The following FGD5 variants were observed in gnomAD, a reference collection of about 807,000 sequenced individuals.
The protein encoded by FGD5 is FYVE, RhoGEF and PH domain-containing protein 5.
In FGD5, 28 loss-of-function variants were observed where a neutral mutation model predicts 133.4. The ratio of observed to expected loss-of-function variants is 0.21; its 90% CI spans 0.16 to 0.29. The LOEUF is 0.29. FGD5 is among the 10% of genes least tolerant of loss of function. FGD5 has a pLI of 1.00. For missense variants in FGD5, 1,858 were observed against 1,895.2 expected (o/e 0.98, Z 0.36); for synonymous variants, 810 against 776.5 (o/e 1.04, Z -0.72).
At chr3:14,837,525 G>A (rs2036839908) in intron 1 of FGD5, among the ~76,000 whole-genome samples, 2 of 152,132 alleles carry the variant, frequency 1.3e-5, no homozygotes, top group South Asian at 4.1e-4. Flanking sequence ...TAGGTTTTGC[G>A]GCTTTTCAGA....
At chr3:14,831,086 G>A (rs2036698264) in intron 1 of FGD5, among the ~76,000 whole-genome samples, 1 of 152,168 alleles carries the variant, frequency 6.6e-6, no homozygotes, top group Admixed American at 6.5e-5. Flanking sequence ...GACATCCCAA[G>A]GGGAAGGGCA....
At chr3:14,925,330 A>G (rs2038779570) in intron 17 of FGD5, among the ~76,000 whole-genome samples, 1 of 152,198 alleles carries the variant, frequency 6.6e-6, no homozygotes, top group Non-Finnish European at 1.5e-5. Flanking sequence ...AACATATTAT[A>G]CAGAATCTCT....
intron 1 of FGD5, among the ~76,000 whole-genome samples, chr3:14,821,980 A>T (rs2036513421): frequency 6.6e-6 from 1 of 152,094 alleles, no homozygotes; most frequent in Non-Finnish European, 1.5e-5. Flanking sequence ...TGCACCTGTA[A>T]TCCCAGCTGC....
At chr3:14,894,959 G>A (rs901805091) in intron 4 of FGD5, among the ~76,000 whole-genome samples, 3 of 152,058 alleles carry the variant, frequency 2.0e-5, no homozygotes, top group Non-Finnish European at 4.4e-5. Flanking sequence ...TGATGATTAT[G>A]ATGTTGAGCT....
chr3:14,932,983 A>G, intron 19 of FGD5, 148 bp from the exon 20 acceptor site: 1 of 1,067,656 alleles, frequency 9.4e-7, no homozygotes, highest in Non-Finnish European at 1.4e-6. Flanking sequence ...CTGAATATAG[A>G]AAACATGTTT....
At chr3:14,889,865 T>TA (rs1559494755) in intron 4 of FGD5, among the ~76,000 whole-genome samples, 77 of 152,204 alleles carry the variant, frequency 5.1e-4, no homozygotes, top group African/African-American at 1.4e-3. Flanking sequence ...TGCTTTTTTT[T>TA]TAAAAAAATT....
At position 14,880,758 on chromosome 3, in the gene FGD5, C is replaced by G. The variant is rs201501524; in HGVS notation, c.2734C>G (p.Gln912Glu). 2.3e-4 allele frequency: 378 copies of G among 1,613,858 alleles called. No homozygotes were observed. The highest frequency in any genetic ancestry group is 1.3e-4 in the Non-Finnish European group (148 of 1,179,886). ...CCTCTGCAGATACGTGGAGATGCTC[C>G]AGCACTTAAATCTGGTGAGTTAATC... Reference protein sequence around the residue: ...SSEKAYVEMLQHLNLDFHGAV... With the variant: ...SSEKAYVEMLEHLNLDFHGAV... Residue 912 changes from glutamine to glutamate, a missense_variant, in exon 4 of 20, where the codon CAG becomes GAG. By Grantham distance (29) the Gln-to-Glu change is conservative (BLOSUM62 2). Transcript: ENST00000285046.
At chr3:14,877,982 C>G (rs991895803) in intron 2 of FGD5, among the ~76,000 whole-genome samples, 3 of 152,148 alleles carry the variant, frequency 2.0e-5, no homozygotes, top group African/African-American at 7.2e-5. Flanking sequence ...GTCAACAGTC[C>G]AAGATGGAGA....
intron 18 of FGD5, among the ~76,000 whole-genome samples, chr3:14,927,714 C>G (rs1005441324): frequency 2.0e-5 from 3 of 152,024 alleles, no homozygotes; most frequent in South Asian, 4.1e-4. Flanking sequence ...AGTAACAGTC[C>G]TGGGAAAAAG....
chr3:14,885,333 A>C (rs2037904916), intron 4 of FGD5, among the ~76,000 whole-genome samples: 1 of 151,988 alleles, frequency 6.6e-6, no homozygotes, highest in African/African-American at 2.4e-5. Flanking sequence ...TGTTCGGTCC[A>C]GAGTAGGCTT....
Position 14,821,142 on chromosome 3 carries a change from A to G in FGD5, c.2071A>G (p.Arg691Gly), listed in dbSNP as rs1268713292. The G allele has an allele frequency of 5.0e-6, 8 of 1,614,004 alleles. 1 individual carries two copies. The highest frequency in any genetic ancestry group is 3.3e-4 in the Middle Eastern group (2 of 6,062). Residue 691 changes from arginine to glycine, a missense_variant, in exon 1 of 20, where the codon AGG (arginine) becomes GGG (glycine). Coordinates refer to ENST00000285046, the MANE Select transcript of FGD5 (RefSeq NM_152536.4). ...SSESSYHGPS[R>G]ILEVDRRSLS... ...AGAGTCCAGCTACCACGGGCCTTCC[A>G]GGATTCTGGAAGTTGACCGGAGAAG...
chr3:14,834,084 A>G (rs947445883), intron 1 of FGD5, among the ~76,000 whole-genome samples: 3 of 152,178 alleles, frequency 2.0e-5, no homozygotes, highest in Admixed American at 1.3e-4. Context: ...ATTCTTTTTC[A>G]TAAGTTCAAG....
At chr3:14,911,935 G>A (rs1310673262) in intron 11 of FGD5, among the ~76,000 whole-genome samples, 1 of 151,702 alleles carries the variant, frequency 6.6e-6, no homozygotes, top group Admixed American at 6.6e-5. Flanking sequence ...AATTCTACCC[G>A]AGTTCAGCCC....
chr3:14,879,642 A>G (rs1001368686), intron 2 of FGD5, among the ~76,000 whole-genome samples: 1 of 152,244 alleles, frequency 6.6e-6, no homozygotes, highest in Non-Finnish European at 1.5e-5. Context: ...CTGGTCATGC[A>G]GATGTGGGAG....
At chr3:14,870,983 C>CA (rs1323861323) in intron 2 of FGD5, among the ~76,000 whole-genome samples, 1 of 152,218 alleles carries the variant, frequency 6.6e-6, no homozygotes, top group East Asian at 1.9e-4. Flanking sequence ...ATGCAAGATA[C>CA]AAAACGAGTT....
intron 17 of FGD5, among the ~76,000 whole-genome samples, chr3:14,925,741 T>G (rs144102826): frequency 5.3e-5 from 8 of 152,316 alleles, no homozygotes; most frequent in African/African-American, 1.9e-4. Context: ...GAGTTAATTT[T>G]AGAAGGAAGA....
chr3:14,831,527 G>T (rs1016172483), intron 1 of FGD5, among the ~76,000 whole-genome samples: 1 of 152,148 alleles, frequency 6.6e-6, no homozygotes, highest in Non-Finnish European at 1.5e-5. Flanking sequence ...TTTGGAACCA[G>T]TGGCGCTGAG....
chr3:14,856,307 G>A (rs1398535156), intron 1 of FGD5, among the ~76,000 whole-genome samples: 1 of 152,088 alleles, frequency 6.6e-6, no homozygotes, highest in Non-Finnish European at 1.5e-5. Flanking sequence ...CTGGTAATGT[G>A]GTGCCCCCAG....
intron 4 of FGD5, among the ~76,000 whole-genome samples, chr3:14,891,811 C>T (rs1169417956): frequency 1.3e-5 from 2 of 152,196 alleles, no homozygotes; most frequent in South Asian, 2.1e-4. Context: ...AGGCACAGTG[C>T]GAGGGGGTCT....
Sources: allele counts gnomAD v4.1 joint callset (sites outside exome capture counted in the v4.1 genomes callset), GRCh38; gene constraint gnomAD v4.1.1; transcripts MANE v1.5; gene names NCBI Gene and HGNC (gene_info 2026-07-23, HGNC 2026-07-21).